COL4A2: variants seen among roughly 807,000 people sequenced by gnomAD.
The protein encoded by COL4A2 is collagen alpha-2(IV) chain.
In COL4A2, 99 loss-of-function variants were observed where a neutral mutation model predicts 200.2. The observed-to-expected ratio is 0.49, with a 90% CI of 0.42 to 0.58. The LOEUF (loss-of-function observed/expected upper bound fraction) is 0.58, where lower values mean the gene tolerates loss of function less well. Ranked by LOEUF, COL4A2 falls within the 20% of genes least tolerant of loss-of-function variation. COL4A2 has a pLI of 0.00. For missense variants in COL4A2, 1,950 were observed against 2,314.1 expected (o/e 0.84, Z 3.23); for synonymous variants, 897 against 900.6 (o/e 1.00, Z 0.07).
chr13:110,420,204 G>A (rs1880194651), intron 4 of COL4A2, among the ~76,000 whole-genome samples: 1 of 152,222 alleles, frequency 6.6e-6, no homozygotes, highest in African/African-American at 2.4e-5. Context: ...ACCCCGGCCA[G>A]CCCTGACACT....
Position 110,512,281 on chromosome 13 carries a change from TAAA to T in COL4A2, c.*100_*102del, listed in dbSNP as rs397838577. On this transcript the variant is annotated 3_prime_UTR_variant, in exon 48 of 48. Transcript: ENST00000360467. The stretch of plus-strand genomic sequence containing the variant: ...CCAAAAATTGGTTTTATTTTTTTCT[TAAA>T]AAAAAAAAAGTCTACCAAAGGAATT... 847 of 1,341,292 alleles carry T rather than the reference TAAA, an allele frequency of 6.3e-4. 1 individual carries two copies. The highest frequency in any genetic ancestry group is 8.3e-4 in the Admixed American group (28 of 33,622). The allele number at this position is 1,341,292 out of a possible 1,614,324, so 83.1% of individuals were successfully genotyped here.
Position 110,315,307 on chromosome 13 carries a change from C to A in COL4A2, c.99+7184C>A, listed in dbSNP as rs1213465374. Among the ~76,000 whole-genome samples the A allele has an allele frequency of 2.0e-5, 3 of 152,198 alleles. No homozygotes were observed. In the East Asian group the frequency reaches 5.8e-4, roughly 29 times the overall value. ...TTCTCCACTGATAGGATTTTAAATT[C>A]TTTAGGATCGAGGATTATAAGTCAT... On this transcript the variant is annotated intron_variant, in intron 3 of 47. Coordinates refer to ENST00000360467, the MANE Select transcript of COL4A2 (RefSeq NM_001846.4).
chr13:110,369,356 G>A (rs763361019), intron 4 of COL4A2, among the ~76,000 whole-genome samples: 3 of 152,152 alleles, frequency 2.0e-5, no homozygotes, highest in Non-Finnish European at 4.4e-5. Context: ...AGGTCATCTC[G>A]TTGGAGCATT....
At chr13:110,482,815 C>T (rs1882979808) in intron 32 of COL4A2, among the ~76,000 whole-genome samples, 156 bp downstream of exon 32, 1 of 152,170 alleles carries the variant, frequency 6.6e-6, no homozygotes, top group South Asian at 2.1e-4. Flanking sequence ...CTAACAAAAA[C>T]TCAAAGGCTT....
intron 18 of COL4A2, among the ~76,000 whole-genome samples, chr13:110,447,195 C>T (rs958368257): frequency 3.9e-5 from 6 of 152,142 alleles, no homozygotes; most frequent in African/African-American, 9.7e-5. Flanking sequence ...TCTGGACTAT[C>T]GCTGAAGATA....
Position 110,482,580 on chromosome 13 carries a change from G to C in COL4A2, c.2823G>C (p.Gly941=). The C allele has an allele frequency of 6.2e-7, 1 of 1,614,192 alleles. No individual in the cohort carries two copies. The highest frequency in any genetic ancestry group is 1.1e-5 in the South Asian group (1 of 91,080). Residue 941 remains glycine, a synonymous_variant, in exon 32 of 48, where the codon GGG becomes GGC. Transcript: ENST00000360467. Reference sequence around the variant, plus strand: ...TGCCTGGACTCAAAGGGAGACCCGGGTTTCCAGGGAGCAAAGGCGAGGCTG... The same window carrying C: ...TGCCTGGACTCAAAGGGAGACCCGGCTTTCCAGGGAGCAAAGGCGAGGCTG... The part of the protein sequence containing the change: ...QGMPGLKGRP[G]FPGSKGEAGF...
intron 17 of COL4A2, 48 bp from the exon 18 acceptor site, chr13:110,446,750 C>T (rs367563333): frequency 6.5e-7 from 1 of 1,543,340 alleles, no homozygotes; most frequent in Non-Finnish European, 8.9e-7. Flanking sequence ...CTGTCAAAAA[C>T]TCCAAAAGGC....
chr13:110,337,753 C>G (rs1005387961), intron 3 of COL4A2, among the ~76,000 whole-genome samples: 1 of 152,228 alleles, frequency 6.6e-6, no homozygotes, highest in Non-Finnish European at 1.5e-5. Context: ...GAAGTCCCTG[C>G]AGCAGGTTCT....
Position 110,480,383 on chromosome 13 carries a change from G to A in COL4A2, c.2751G>A (p.Gly917=), listed in dbSNP as rs1882858363. The change falls in exon 31 of 48, where the codon GGG becomes GGA. Residue 917 remains glycine, a synonymous_variant. Coordinates refer to ENST00000360467, the MANE Select transcript of COL4A2 (RefSeq NM_001846.4). ...KGIDGMPGTP[G]LKGDRGSPGM... The stretch of plus-strand genomic sequence containing the variant: ...TTGATGGAATGCCTGGGACCCCCGG[G>A]CTAAAAGGTAATTGTGTGACTGTGA... 1 of 1,611,068 alleles carries A rather than the reference G, an allele frequency of 6.2e-7. No individual in the cohort carries two copies. The highest frequency in any genetic ancestry group is 2.2e-5 in the East Asian group (1 of 44,814).
Position 110,484,978 on chromosome 13 carries a change from G to A in COL4A2, c.2976G>A (p.Glu992=), listed in dbSNP as rs2139528217. 2 of 1,613,032 alleles carry A rather than the reference G, an allele frequency of 1.2e-6. No homozygotes were observed. The highest frequency in any genetic ancestry group is 1.7e-6 in the Non-Finnish European group (2 of 1,179,154). Residue 992 remains glutamate (E), a synonymous_variant, in exon 33 of 48, where the codon GAG becomes GAA. Transcript: ENST00000360467. The stretch of plus-strand genomic sequence containing the variant: ...CAGGAATGAAAGACATTAAAGGAGA[G>A]AAAGGAGATGAAGGGCCTATGGGGC... ...ILPGMKDIKG[E]KGDEGPMGLK...
At chr13:110,387,772 G>A (rs1447623757) in intron 4 of COL4A2, among the ~76,000 whole-genome samples, 1 of 152,198 alleles carries the variant, frequency 6.6e-6, no homozygotes, top group Non-Finnish European at 1.5e-5. Flanking sequence ...AGGCGATTCT[G>A]AGGCTTCCTT....
intron 4 of COL4A2, among the ~76,000 whole-genome samples, chr13:110,417,818 A>G (rs1880100513): frequency 6.6e-6 from 1 of 152,020 alleles, no homozygotes; most frequent in African/African-American, 2.4e-5. Context: ...ATTGCCAAAT[A>G]GCAATCCCAG....
intron 3 of COL4A2, among the ~76,000 whole-genome samples, chr13:110,314,465 C>T (rs2139343566): frequency 6.6e-6 from 1 of 152,342 alleles, no homozygotes; most frequent in Admixed American, 6.5e-5. Flanking sequence ...GAAAATACAG[C>T]AGAGGTAGAC....
rs551535545 is a variant in COL4A2, at chr13:110,332,404, G to A, written c.99+24281G>A. On this transcript the variant is annotated intron_variant, in intron 3 of 47. Coordinates refer to ENST00000360467, the MANE Select transcript of COL4A2 (RefSeq NM_001846.4). ...TCCTCCTCATCTTTAGTTAGGTTTCGGTCAGAGATTCAAATGCAAGAGGGA... is the reference window on the plus strand; with the variant it reads ...TCCTCCTCATCTTTAGTTAGGTTTCAGTCAGAGATTCAAATGCAAGAGGGA... Among the ~76,000 whole-genome samples, 32 of 152,248 alleles carry A rather than the reference G, an allele frequency of 2.1e-4. 1 individual carries two copies. The highest frequency in any genetic ancestry group is 2.1e-3 in the South Asian group (10 of 4,816).
At chr13:110,346,013 C>A (rs763246321) in intron 3 of COL4A2, among the ~76,000 whole-genome samples, 5 of 152,072 alleles carry the variant, frequency 3.3e-5, no homozygotes, top group Non-Finnish European at 7.4e-5. Context: ...AGCTCCGGGG[C>A]GCTGCTGATG....
chr13:110,508,333 A>G lies in COL4A2; in HGVS notation c.4881+112A>G. On this transcript the variant is annotated intron_variant, in intron 47 of 47. Coordinates refer to ENST00000360467, the MANE Select transcript of COL4A2 (RefSeq NM_001846.4). This position sits in a 1 kb window ranked among gnomAD's most constrained non-coding sequence, Gnocchi z 6.1. Reference sequence around the variant, plus strand: ...CACGGCAGTCCAGGGTGTGCACTGCACAAGGGTAGTTGGCCCAGGAAGCGA... The same window carrying G: ...CACGGCAGTCCAGGGTGTGCACTGCGCAAGGGTAGTTGGCCCAGGAAGCGA... 3 of 1,507,636 alleles carry G rather than the reference A, an allele frequency of 2.0e-6. No individual in the cohort carries two copies. Among genetic ancestry groups the G allele is most frequent in the Non-Finnish European group, 2.7e-6 (3 of 1,110,346 alleles). The allele number at this position is 1,507,636 out of a possible 1,614,324, so 93.4% of individuals were successfully genotyped here.
intron 4 of COL4A2, among the ~76,000 whole-genome samples, chr13:110,400,642 G>T (rs1048736064): frequency 1.3e-5 from 2 of 152,096 alleles, no homozygotes; most frequent in African/African-American, 4.8e-5. Context: ...GAAAAATATT[G>T]TAATCAATGA....
intron 21 of COL4A2, chr13:110,458,151 T>C (rs762553331): frequency 2.1e-6 from 1 of 470,288 alleles, no homozygotes; most frequent in African/African-American, 2.0e-5. Flanking sequence ...CCGCTGTGGA[T>C]GGGCATGACC....
At chr13:110,499,449 A>T (rs1479196359) in intron 40 of COL4A2, among the ~76,000 whole-genome samples, 2 of 152,174 alleles carry the variant, frequency 1.3e-5, no homozygotes, top group African/African-American at 2.4e-5. Context: ...CAGCATGAGG[A>T]TAGCCACCCC....
Sources: allele counts gnomAD v4.1 joint callset (sites outside exome capture counted in the v4.1 genomes callset), GRCh38; gene constraint gnomAD v4.1.1; non-coding constraint Gnocchi (gnomAD v3.1); transcripts MANE v1.5; gene names NCBI Gene and HGNC (gene_info 2026-07-23, HGNC 2026-07-21).